Variants in HS3ST5 observed in about 807,000 individuals in gnomAD.
HS3ST5 encodes the protein heparan sulfate-glucosamine 3-sulfotransferase 5, also known as heparan sulfate glucosamine 3-O-sulfotransferase 5.
A neutral mutation model predicts 25.4 loss-of-function variants in HS3ST5; 10 were observed. The ratio of observed to expected loss-of-function variants is 0.39; its 90% CI spans 0.24 to 0.67. The LOEUF (loss-of-function observed/expected upper bound fraction) is 0.67. Among genes scored for constraint, HS3ST5 ranks in the 30% least tolerant of loss-of-function variants. HS3ST5 has a pLI of 0.44. For synonymous variants in HS3ST5, 170 were observed against 162.4 expected (o/e 1.05, Z -0.36); for missense variants, 324 against 420.7 (o/e 0.77, Z 2.01).
intron 3 of HS3ST5, among the ~76,000 whole-genome samples, chr6:114,145,528 G>C (rs1370057276): frequency 6.6e-6 from 1 of 152,246 alleles, no homozygotes; most frequent in African/African-American, 2.4e-5. Context: ...GGGACACAAA[G>C]CCTGCCTGAT....
intron 2 of HS3ST5, among the ~76,000 whole-genome samples, chr6:114,207,718 G>A (rs1460890061): frequency 6.6e-6 from 1 of 151,878 alleles, no homozygotes; most frequent in East Asian, 1.9e-4. Flanking sequence ...AAAAAATCTT[G>A]GTGATACATA....
intron 3 of HS3ST5, among the ~76,000 whole-genome samples, chr6:114,089,250 A>T (rs1227285484): frequency 6.6e-6 from 1 of 152,186 alleles, no homozygotes; most frequent in African/African-American, 2.4e-5. Flanking sequence ...TAAATTAGCC[A>T]TTTAACAGTT....
rs149366252 is a variant in HS3ST5, at chr6:114,309,076, CACTT to C, written c.-339+33115_-339+33118del. ...GTCAATAATATAAAATACAGAGTCA[CACTT>C]ACAGAGATCCAGATTTAGAAGAGAT... is the stretch of plus-strand genomic sequence containing the variant. On this transcript the variant is annotated intron_variant, in intron 1 of 4. Transcript: ENST00000312719. Among the ~76,000 whole-genome samples the C allele has an allele frequency of 1.4e-4, 22 of 152,268 alleles. No homozygotes were observed. The East Asian group carries it at 4.3e-3, about 29-fold the overall frequency.
chr6:114,209,324 CT>C lies in HS3ST5; in HGVS notation c.-145+19260del, dbSNP rs796383813. On this transcript the variant is annotated intron_variant, in intron 2 of 4. Coordinates refer to ENST00000312719, the MANE Select transcript of HS3ST5 (RefSeq NM_153612.4). ...TTTAAAAAATGTGCATTTTGAATTCCTTTTTTATTACTGAAAAAAAAACTTG... is the reference window on the plus strand; with the variant it reads ...TTTAAAAAATGTGCATTTTGAATTCCTTTTTATTACTGAAAAAAAAACTTG... Among the ~76,000 whole-genome samples the C allele has an allele frequency of 2.6e-5, 4 of 151,102 alleles. No individual in the cohort carries two copies. The South Asian group carries it at 8.4e-4, about 32-fold the overall frequency.
In HS3ST5 at chr6:114,281,573, T is replaced by A. The variant is rs565671859; in HGVS notation, c.-338-52795A>T. Among the ~76,000 whole-genome samples the A allele has an allele frequency of 7.9e-5, 12 of 152,048 alleles. No individual in the cohort carries two copies. The South Asian group carries it at 2.5e-3, about 32-fold the overall frequency. On this transcript the variant is annotated intron_variant, in intron 1 of 4. Transcript: ENST00000312719. ...CTCACCACTACACTGATGTTAGGGA[T>A]AGTGAGGAAGTGGGAAATCAAACTT...
intron 2 of HS3ST5, among the ~76,000 whole-genome samples, chr6:114,199,788 G>C (rs1355241877): frequency 6.6e-6 from 1 of 152,038 alleles, no homozygotes; most frequent in African/African-American, 2.4e-5. Context: ...TTTTTCTTAA[G>C]GACATGAGAG....
At chr6:114,117,147 C>T (rs1776570004) in intron 3 of HS3ST5, among the ~76,000 whole-genome samples, 1 of 152,110 alleles carries the variant, frequency 6.6e-6, no homozygotes, top group Non-Finnish European at 1.5e-5. Context: ...AATTTTAATT[C>T]ATTAGAATAC....
intron 1 of HS3ST5, among the ~76,000 whole-genome samples, chr6:114,301,420 T>C (rs900486732): frequency 7.9e-5 from 12 of 152,196 alleles, no homozygotes; most frequent in African/African-American, 2.9e-4. Context: ...CAAACACTTG[T>C]TGTCTTAGCT....
intron 3 of HS3ST5, among the ~76,000 whole-genome samples, chr6:114,166,593 C>T (rs999930344): frequency 2.6e-5 from 4 of 152,046 alleles, no homozygotes; most frequent in South Asian, 2.1e-4. Flanking sequence ...GATACTGTAT[C>T]CAACCTGCAC....
chr6:114,232,955 T>C (rs1198746186), intron 1 of HS3ST5, among the ~76,000 whole-genome samples: 1 of 152,144 alleles, frequency 6.6e-6, no homozygotes, highest in Non-Finnish European at 1.5e-5. Flanking sequence ...TTTTAATACC[T>C]TTCCACAGTT....
At chr6:114,328,233 A>AGAAGGAAGGAAAGAAG (rs574732267) in intron 1 of HS3ST5, among the ~76,000 whole-genome samples, 5 of 151,420 alleles carry the variant, frequency 3.3e-5, no homozygotes, top group Non-Finnish European at 5.9e-5. Flanking sequence ...AAAGAAGGAA[A>AGAAGGAAGGAAAGAAG]GAAGGAAGGA....
At chr6:114,271,969 G>T (rs573173276) in intron 1 of HS3ST5, among the ~76,000 whole-genome samples, 97 of 152,222 alleles carry the variant, frequency 6.4e-4, no homozygotes, top group African/African-American at 2.3e-3. Context: ...TAGCAAAGCA[G>T]AAAAATGACA....
At chr6:114,087,078 C>A (rs904230068) in intron 3 of HS3ST5, among the ~76,000 whole-genome samples, 1 of 152,084 alleles carries the variant, frequency 6.6e-6, no homozygotes, top group Non-Finnish European at 1.5e-5. Context: ...TGGAAGTGCC[C>A]TCTTTCCTTG....
intron 1 of HS3ST5, among the ~76,000 whole-genome samples, chr6:114,242,985 C>T (rs1772210383): frequency 6.6e-6 from 1 of 152,198 alleles, no homozygotes; most frequent in African/African-American, 2.4e-5. Context: ...GCAACGCTTG[C>T]ACTATTGAAT....
At chr6:114,281,458 A>G (rs1176557205) in intron 1 of HS3ST5, among the ~76,000 whole-genome samples, 1 of 152,030 alleles carries the variant, frequency 6.6e-6, no homozygotes, top group Non-Finnish European at 1.5e-5. Flanking sequence ...CTTGACAACA[A>G]TAAAATTCTT....
At chr6:114,294,934 A>G (rs1165226819) in intron 1 of HS3ST5, among the ~76,000 whole-genome samples, 1 of 152,178 alleles carries the variant, frequency 6.6e-6, no homozygotes, top group Non-Finnish European at 1.5e-5. Context: ...TGTCTGTGCA[A>G]TTGAGGATTA....
chr6:114,185,435 C>A (rs562926156), intron 2 of HS3ST5, among the ~76,000 whole-genome samples: 55 of 152,152 alleles, frequency 3.6e-4, no homozygotes, highest in Non-Finnish European at 5.7e-4. Flanking sequence ...CTGCTGGCAC[C>A]CTGATCTTGG....
rs1260236261 is a variant in HS3ST5 at position 114,062,924 on chromosome 6, G to C, written c.-32-47C>G. The C allele has an allele frequency of 7.2e-6, 8 of 1,114,042 alleles. No homozygotes were observed. In the East Asian group the frequency reaches 1.7e-4, roughly 23 times the overall value. The allele number at this position is 1,114,042 out of a possible 1,614,324, so 69.0% of individuals were successfully genotyped here. A position where few individuals can be genotyped will look rare whatever the true frequency, so the allele number is the denominator to read the frequency against. The stretch of plus-strand genomic sequence containing the variant: ...GCAGCCATCTCTTAGAGGCTCTGTT[G>C]GTTGTCACAGAGCTAAGCAGAGGTG... On this transcript the variant is annotated intron_variant, in intron 3 of 4. Transcript: ENST00000312719.
At chr6:114,205,221 T>C (rs994200141) in intron 2 of HS3ST5, among the ~76,000 whole-genome samples, 2 of 152,208 alleles carry the variant, frequency 1.3e-5, no homozygotes, top group Non-Finnish European at 2.9e-5. Context: ...GTCCTCTGGC[T>C]ACCTAGATTT....
Sources: gnomAD v4.1 joint callset for allele counts (sites outside exome capture counted in the v4.1 genomes callset) on GRCh38, gnomAD v4.1.1 for gene constraint, MANE v1.5 for transcripts, NCBI Gene and HGNC (gene_info 2026-07-23, HGNC 2026-07-21) for gene names.